JAM3: variants seen among roughly 807,000 people sequenced by gnomAD.
The protein encoded by JAM3 is junctional adhesion molecule 3.
JAM3 carries 31 observed loss-of-function variants against 39.4 expected under a neutral mutation model. That is an observed-to-expected ratio of 0.79 (90% CI 0.59 to 1.06). The LOEUF (loss-of-function observed/expected upper bound fraction) is 1.06. Ranked by LOEUF, JAM3 falls within the 50% of genes least tolerant of loss-of-function variation. The pLI is 0.00. For synonymous variants in JAM3, 182 were observed against 148.7 expected (o/e 1.22, Z -1.63); for missense variants, 455 against 391.4 (o/e 1.16, Z -1.37).
chr11:134,120,733 C>G (rs923648668), intron 1 of JAM3, among the ~76,000 whole-genome samples: 7 of 152,184 alleles, frequency 4.6e-5, no homozygotes, highest in African/African-American at 1.7e-4. Flanking sequence ...TTCATGGACC[C>G]TCACTCTGCT....
chr11:134,148,828 T>C lies in JAM3; in HGVS notation c.897+10T>C, dbSNP rs775553888. The stretch of plus-strand genomic sequence containing the variant: ...CCGCACTGACGAGGAGGTAATCATT[T>C]AGTAAACCTGGAAACCTAGGTGTAC... On this transcript the variant is annotated intron_variant, in intron 8 of 8. Coordinates refer to ENST00000299106, the MANE Select transcript of JAM3 (RefSeq NM_032801.5). 6.2e-6 allele frequency: 10 copies of C among 1,613,914 alleles called. No individual in the cohort carries two copies. The highest frequency in any genetic ancestry group is 8.5e-6 in the Non-Finnish European group (10 of 1,179,840).
Position 134,148,584 on chromosome 11 carries a change from G to A in JAM3, c.750G>A (p.Leu250=). Residue 250 remains leucine, a synonymous_variant, in exon 7 of 9, where the codon CTG becomes CTA. Transcript: ENST00000299106. ...TTGGCGGAATTATTGGGGGGGTTCT[G>A]GTTGTCCTTGCTGTACTGGCCCTGA... is the stretch of plus-strand genomic sequence containing the variant. ...LNIGGIIGGV[L]VVLAVLALIT... is the part of the protein sequence containing the mutation. 1 of 1,614,134 alleles carries A rather than the reference G, an allele frequency of 6.2e-7. No individual in the cohort carries two copies. Among genetic ancestry groups the A allele is most frequent in the Non-Finnish European group, 8.5e-7 (1 of 1,180,030 alleles).
At chr11:134,146,075 G>C (rs374005512) in intron 6 of JAM3, 30 bp downstream of exon 6, 2 of 1,370,542 alleles carry the variant, frequency 1.5e-6, no homozygotes, top group Non-Finnish European at 2.1e-6. Context: ...AGGTTTCATC[G>C]CAAGACTGGG....
intron 1 of JAM3, among the ~76,000 whole-genome samples, chr11:134,078,308 C>T (rs998104429): frequency 2.0e-5 from 3 of 151,922 alleles, no homozygotes; most frequent in East Asian, 3.9e-4. Context: ...TTAGTAGAGA[C>T]GGGGTATCGC....
intron 5 of JAM3, chr11:134,145,429 G>C (rs752087232): frequency 1.2e-5 from 4 of 320,920 alleles, no homozygotes; most frequent in Non-Finnish European, 2.4e-5. Flanking sequence ...AAAGGTGTTT[G>C]GAATTTGTTT....
chr11:134,148,754 C>A lies in JAM3; in HGVS notation c.843-10C>A, dbSNP rs568101956. 7 of 1,613,666 alleles carry A rather than the reference C, an allele frequency of 4.3e-6. No individual in the cohort carries two copies. Among genetic ancestry groups the A allele is most frequent in the African/African-American group, 1.3e-5 (1 of 75,032 alleles). On this transcript the variant is annotated splice_polypyrimidine_tract_variant and intron_variant, in intron 7 of 8. Transcript: ENST00000299106. The stretch of plus-strand genomic sequence containing the variant: ...AACCCTGTTGCTAAACTGCTCTCTT[C>A]TCCTCATAGTTACAAGAACCCAGGG...
chr11:134,090,041 G>T (rs895149880), intron 1 of JAM3, among the ~76,000 whole-genome samples: 7 of 152,192 alleles, frequency 4.6e-5, no homozygotes, highest in African/African-American at 1.7e-4. Context: ...GTTTTGATTT[G>T]CATTTGTCTG....
At chr11:134,128,918 C>T (rs1320048146) in intron 1 of JAM3, among the ~76,000 whole-genome samples, 5 of 152,054 alleles carry the variant, frequency 3.3e-5, no homozygotes, top group Non-Finnish European at 5.9e-5. Flanking sequence ...CTAGGAGTTG[C>T]CTAACAAAAT....
chr11:134,115,189 A>G (rs193164332), intron 1 of JAM3, among the ~76,000 whole-genome samples: 2 of 152,278 alleles, frequency 1.3e-5, no homozygotes, highest in East Asian at 3.9e-4. Context: ...TGATACTAAT[A>G]TAGCCACTCC....
At chr11:134,108,767 G>A (rs775825274) in intron 1 of JAM3, among the ~76,000 whole-genome samples, 5 of 152,028 alleles carry the variant, frequency 3.3e-5, no homozygotes, top group Non-Finnish European at 5.9e-5. Context: ...AAAAACTTTT[G>A]GAATAGGAAG....
chr11:134,127,216 A>C (rs1368315866), intron 1 of JAM3, among the ~76,000 whole-genome samples: 1 of 152,244 alleles, frequency 6.6e-6, no homozygotes, highest in African/African-American at 2.4e-5. Flanking sequence ...GACTATAGGC[A>C]AGCCACTTGG....
intron 3 of JAM3, 105 bp downstream of exon 3, chr11:134,140,875 A>G: frequency 7.2e-7 from 1 of 1,385,442 alleles, no homozygotes. Flanking sequence ...CTGCATCTGT[A>G]GCTAGGACCG....
At chr11:134,147,803 G>C (rs1943106444) in intron 6 of JAM3, 5 of 152,426 alleles carry the variant, frequency 3.3e-5, no homozygotes, top group African/African-American at 1.2e-4. Context: ...TGATTTTTAA[G>C]TGTACATTCA....
At chr11:134,077,052 C>G (rs1311563758) in intron 1 of JAM3, among the ~76,000 whole-genome samples, 1 of 151,948 alleles carries the variant, frequency 6.6e-6, no homozygotes, top group Non-Finnish European at 1.5e-5. Context: ...CCAGGCTGGT[C>G]TCGAACTCCT....
intron 1 of JAM3, among the ~76,000 whole-genome samples, chr11:134,114,628 G>A (rs1292248292): frequency 6.6e-6 from 1 of 152,156 alleles, no homozygotes; most frequent in Non-Finnish European, 1.5e-5. Context: ...ATTGAGAAAT[G>A]TGTTAGTTTC....
intron 1 of JAM3, among the ~76,000 whole-genome samples, chr11:134,131,076 G>A (rs998641973): frequency 1.3e-5 from 2 of 152,130 alleles, no homozygotes; most frequent in Admixed American, 6.5e-5. Flanking sequence ...CTGTGATCAT[G>A]TCAGGCAAGA....
chr11:134,103,333 G>A (rs1413720479), intron 1 of JAM3, among the ~76,000 whole-genome samples: 4 of 151,988 alleles, frequency 2.6e-5, no homozygotes, highest in Non-Finnish European at 5.9e-5. Flanking sequence ...GTCACCACCA[G>A]GCCTGCCCTA....
At chr11:134,112,020 A>G (rs1942321463) in intron 1 of JAM3, among the ~76,000 whole-genome samples, 1 of 152,208 alleles carries the variant, frequency 6.6e-6, no homozygotes, top group Non-Finnish European at 1.5e-5. Context: ...CTAAACGTGA[A>G]AAAAGAAATA....
At chr11:134,147,026 C>T (rs1279142503) in intron 6 of JAM3, among the ~76,000 whole-genome samples, 2 of 152,164 alleles carry the variant, frequency 1.3e-5, no homozygotes, top group African/African-American at 2.4e-5. Flanking sequence ...GTGAGACAAG[C>T]GTTCCGAAGG....
Sources: gnomAD v4.1 joint callset for allele counts (sites outside exome capture counted in the v4.1 genomes callset) on GRCh38, gnomAD v4.1.1 for gene constraint, MANE v1.5 for transcripts, NCBI Gene and HGNC (gene_info 2026-07-23, HGNC 2026-07-21) for gene names.